The following BABAM2 variants were observed in gnomAD, a reference collection of about 807,000 sequenced individuals.
The protein encoded by BABAM2 is BRISC and BRCA1-A complex member 2.
In BABAM2, 31 loss-of-function variants were observed where a neutral mutation model predicts 54.7. That is an observed-to-expected ratio of 0.57 (90% CI 0.43 to 0.77). BABAM2 has a LOEUF of 0.77. Among genes scored for constraint, BABAM2 ranks in the 30% least tolerant of loss-of-function variants. The pLI, the probability that BABAM2 is intolerant of heterozygous loss-of-function variation, is 0.00. For synonymous variants in BABAM2, 167 were observed against 162.9 expected (o/e 1.03, Z -0.19); for missense variants, 364 against 455.8 (o/e 0.80, Z 1.83).
intron 7 of BABAM2, among the ~76,000 whole-genome samples, chr2:28,219,191 G>A (rs986813065): frequency 1.6e-4 from 24 of 152,256 alleles, no homozygotes; most frequent in Admixed American, 1.3e-3. Context: ...ACTCTTTCAG[G>A]TTGTTCAGAG....
intron 7 of BABAM2, among the ~76,000 whole-genome samples, chr2:28,224,938 CCTT>C (rs1174612092): frequency 1.3e-5 from 2 of 151,262 alleles, no homozygotes; most frequent in Non-Finnish European, 2.9e-5. Flanking sequence ...GTGGTTCTTT[CCTT>C]CTCCTGTGCC....
intron 3 of BABAM2, among the ~76,000 whole-genome samples, chr2:27,962,826 A>G (rs919056870): frequency 2.0e-5 from 3 of 152,204 alleles, no homozygotes; most frequent in Admixed American, 6.5e-5. Context: ...TTTACTACCT[A>G]TTGTAGCAAT....
intron 11 of BABAM2, among the ~76,000 whole-genome samples, chr2:28,305,251 T>C (rs1432435415): frequency 6.6e-6 from 1 of 152,190 alleles, no homozygotes; most frequent in Non-Finnish European, 1.5e-5. Flanking sequence ...TTATCATGAA[T>C]GGGTGTTGAA....
chr2:27,969,956 G>C (rs1479721673), intron 3 of BABAM2, among the ~76,000 whole-genome samples: 4 of 152,152 alleles, frequency 2.6e-5, no homozygotes, highest in Non-Finnish European at 5.9e-5. Flanking sequence ...AGGACGAAGG[G>C]AGTATGGTGG....
At chr2:28,132,717 C>T (rs1021881532) in intron 7 of BABAM2, among the ~76,000 whole-genome samples, 7 of 152,148 alleles carry the variant, frequency 4.6e-5, no homozygotes, top group African/African-American at 1.7e-4. Flanking sequence ...ATTAGTCTAG[C>T]CTTCCCCAGA....
chr2:27,990,649 TG>T (rs1357908109), intron 4 of BABAM2, among the ~76,000 whole-genome samples: 9 of 152,260 alleles, frequency 5.9e-5, no homozygotes, highest in African/African-American at 2.2e-4. Flanking sequence ...TTGAAGTTTC[TG>T]GGTTTTATCT....
Position 28,045,168 on chromosome 2 carries a change from G to T in BABAM2, c.496-557G>T, listed in dbSNP as rs984536142. ...CTCTTTCCTATAGAGATTAGTTCAT[G>T]GAGGGAGTTATGAAAAACATCAGTT... On this transcript the variant is annotated intron_variant, in intron 5 of 11. Coordinates refer to ENST00000379624, the MANE Select transcript of BABAM2 (RefSeq NM_199191.3). 2.9e-4 allele frequency among the ~76,000 whole-genome samples: 44 copies of T among 152,142 alleles called. 1 individual carries two copies. The highest frequency in any genetic ancestry group is 5.9e-5 in the Non-Finnish European group (4 of 68,022).
At chr2:28,080,925 G>A (rs1285039750) in intron 6 of BABAM2, among the ~76,000 whole-genome samples, 4 of 152,126 alleles carry the variant, frequency 2.6e-5, no homozygotes, top group South Asian at 2.1e-4. Context: ...AATAATGTGA[G>A]CACAATTGTC....
intron 6 of BABAM2, among the ~76,000 whole-genome samples, chr2:28,071,508 G>A (rs573876712): frequency 5.3e-5 from 8 of 152,308 alleles, no homozygotes; most frequent in Non-Finnish European, 1.0e-4. Flanking sequence ...GGCACATATT[G>A]CGTGATTGTC....
intron 3 of BABAM2, among the ~76,000 whole-genome samples, chr2:27,936,403 A>G (rs1386068385): frequency 6.6e-6 from 1 of 152,194 alleles, no homozygotes; most frequent in Non-Finnish European, 1.5e-5. Context: ...TTCCCCAGGG[A>G]TCTAGAACTA....
At chr2:28,288,207 G>C (rs1316057480) in intron 10 of BABAM2, among the ~76,000 whole-genome samples, 1 of 152,124 alleles carries the variant, frequency 6.6e-6, no homozygotes, top group Non-Finnish European at 1.5e-5. Context: ...TGGCCTGTGA[G>C]CTTCCTGACA....
intron 10 of BABAM2, among the ~76,000 whole-genome samples, chr2:28,295,338 G>T (rs1687595960): frequency 6.6e-6 from 1 of 152,074 alleles, no homozygotes. Flanking sequence ...ATAAATTATT[G>T]CAATTGAGTT....
chr2:27,977,370 C>T (rs1483786572), intron 3 of BABAM2, among the ~76,000 whole-genome samples: 1 of 152,068 alleles, frequency 6.6e-6, no homozygotes, highest in African/African-American at 2.4e-5. Context: ...CTAAGAATAT[C>T]ATGATGGACT....
At chr2:28,047,742 A>G (rs1341613704) in intron 6 of BABAM2, among the ~76,000 whole-genome samples, 1 of 152,242 alleles carries the variant, frequency 6.6e-6, no homozygotes. Flanking sequence ...TTCTATAGAT[A>G]AAATATCTAC....
At chr2:28,331,496 A>T (rs555977986) in intron 11 of BABAM2, among the ~76,000 whole-genome samples, 4 of 152,374 alleles carry the variant, frequency 2.6e-5, no homozygotes, top group Admixed American at 2.6e-4. Context: ...TCCATTAAAA[A>T]GTGGGCAAAG....
At chr2:27,931,604 A>AT (rs1231469763) in intron 3 of BABAM2, among the ~76,000 whole-genome samples, 1 of 151,964 alleles carries the variant, frequency 6.6e-6, no homozygotes, top group African/African-American at 2.4e-5. Flanking sequence ...TAGCTTAAAA[A>AT]TTTTTACTTA....
chr2:28,018,371 G>T (rs998027082), intron 4 of BABAM2, among the ~76,000 whole-genome samples: 3 of 152,112 alleles, frequency 2.0e-5, no homozygotes, highest in Non-Finnish European at 2.9e-5. Flanking sequence ...AGTATTCCAT[G>T]ATATATATCA....
At chr2:28,243,344 C>T (rs1159300134) in intron 9 of BABAM2, among the ~76,000 whole-genome samples, 2 of 151,960 alleles carry the variant, frequency 1.3e-5, no homozygotes, top group Non-Finnish European at 2.9e-5. Context: ...CCAGCCTGAC[C>T]AACACAGTGA....
At chr2:28,258,480 A>C (rs1684158478) in intron 10 of BABAM2, among the ~76,000 whole-genome samples, 1 of 152,164 alleles carries the variant, frequency 6.6e-6, no homozygotes, top group Non-Finnish European at 1.5e-5. Context: ...TAGGATATAT[A>C]ATAGTACCTT....
Sources: gnomAD v4.1 joint callset for allele counts (sites outside exome capture counted in the v4.1 genomes callset) on GRCh38, gnomAD v4.1.1 for gene constraint, MANE v1.5 for transcripts, NCBI Gene and HGNC (gene_info 2026-07-23, HGNC 2026-07-21) for gene names.